Variants in FAM227B observed in about 807,000 individuals in gnomAD.
FAM227B encodes protein FAM227B.
A neutral mutation model predicts 73.8 loss-of-function variants in FAM227B; 88 were observed. The ratio of observed to expected loss-of-function variants is 1.19; its 90% CI spans 1.00 to 1.42. The LOEUF is 1.42. Among genes scored for constraint, FAM227B ranks in the 40% most tolerant of loss-of-function variants. FAM227B has a pLI of 0.00. For missense variants in FAM227B, 632 were observed against 590.9 expected (o/e 1.07, Z -0.72); for synonymous variants, 210 against 190.5 (o/e 1.10, Z -0.84).
rs556077398 is a variant in FAM227B at position 49,330,792 on chromosome 15, T to TA, written c.1419+987dup. 97 of 150,438 alleles carry TA rather than the reference T, an allele frequency of 6.4e-4. 1 individual carries two copies. Among genetic ancestry groups the TA allele is most frequent in the African/African-American group, 2.3e-3 (96 of 40,990 alleles). 9.3% of individuals were successfully genotyped at this position (150,438 alleles called of 1,614,324 possible). ...GAATGAATATTTTTGTGTGTGGATG[T>TA]AAAAAATAGTCCTTAGCTGGGAGTG... is the stretch of plus-strand genomic sequence containing the variant. On this transcript the variant is annotated intron_variant, in intron 15 of 15. Coordinates refer to ENST00000299338, the MANE Select transcript of FAM227B (RefSeq NM_152647.3).
intron 1 of FAM227B, 24 bp from the exon 2 acceptor site, chr15:49,615,267 T>C (rs1359496997): frequency 4.0e-6 from 4 of 1,003,324 alleles, no homozygotes; most frequent in Non-Finnish European, 6.4e-6. Context: ...GACACCCAAA[T>C]GCAAAAATAA....
chr15:49,351,387 C>A (rs1190270094), intron 13 of FAM227B, among the ~76,000 whole-genome samples: 3 of 152,194 alleles, frequency 2.0e-5, no homozygotes, highest in Non-Finnish European at 2.9e-5. Flanking sequence ...AACTCTGGAG[C>A]ATGCAACTCC....
chr15:49,591,030 T>TTG (rs2076509242), intron 3 of FAM227B, among the ~76,000 whole-genome samples: 1 of 86,388 alleles, frequency 1.2e-5, no homozygotes, highest in Non-Finnish European at 2.2e-5. Context: ...CTTTTTTTTG[T>TTG]TTTTTTTTTT....
chr15:49,549,169 C>T (rs1023735050), intron 9 of FAM227B, among the ~76,000 whole-genome samples: 9 of 152,094 alleles, frequency 5.9e-5, no homozygotes, highest in Non-Finnish European at 1.2e-4. Flanking sequence ...GTACTGCTTT[C>T]ACCCTATTCC....
At chr15:49,360,302 T>C (rs2043984732) in intron 13 of FAM227B, among the ~76,000 whole-genome samples, 1 of 152,086 alleles carries the variant, frequency 6.6e-6, no homozygotes, top group Non-Finnish European at 1.5e-5. Context: ...ATAGTAACAT[T>C]GTACTCATTA....
chr15:49,562,406 T>C (rs1287971763), intron 9 of FAM227B, among the ~76,000 whole-genome samples: 1 of 152,054 alleles, frequency 6.6e-6, no homozygotes, highest in African/African-American at 2.4e-5. Flanking sequence ...GATGGATTCA[T>C]AGTAAAATCT....
At chr15:49,340,980 A>G (rs2040637241) in intron 13 of FAM227B, among the ~76,000 whole-genome samples, 1 of 152,200 alleles carries the variant, frequency 6.6e-6, no homozygotes, top group African/African-American at 2.4e-5. Flanking sequence ...TCTTTGGCAT[A>G]TGGCTGGCCA....
At chr15:49,407,995 CAT>C (rs1282014055) in intron 11 of FAM227B, among the ~76,000 whole-genome samples, 1 of 152,094 alleles carries the variant, frequency 6.6e-6, no homozygotes, top group Non-Finnish European at 1.5e-5. Context: ...GATTCATGCA[CAT>C]GTTCTACATA....
chr15:49,397,332 A>G (rs2047757220), intron 11 of FAM227B, among the ~76,000 whole-genome samples: 1 of 151,986 alleles, frequency 6.6e-6, no homozygotes, highest in Non-Finnish European at 1.5e-5. Flanking sequence ...AGCCTCCAAG[A>G]AATATGGGGG....
intron 15 of FAM227B, chr15:49,329,566 C>G: frequency 1.0e-6 from 1 of 983,940 alleles, no homozygotes; most frequent in Non-Finnish European, 1.2e-6. Flanking sequence ...ACATAGAATA[C>G]TAGGAAAGCC....
intron 11 of FAM227B, among the ~76,000 whole-genome samples, chr15:49,416,357 A>G (rs749247654): frequency 2.6e-5 from 4 of 152,106 alleles, no homozygotes; most frequent in African/African-American, 4.8e-5. Context: ...CCCAGGGTTC[A>G]AGCTGATTTA....
intron 11 of FAM227B, among the ~76,000 whole-genome samples, chr15:49,457,206 T>C (rs187311606): frequency 4.6e-5 from 7 of 152,028 alleles, no homozygotes; most frequent in African/African-American, 9.7e-5. Flanking sequence ...ATTGGATTCA[T>C]TGGAATCAGG....
chr15:49,593,084 A>G (rs990683819), intron 3 of FAM227B, among the ~76,000 whole-genome samples: 1 of 152,180 alleles, frequency 6.6e-6, no homozygotes, highest in African/African-American at 2.4e-5. Context: ...TTCCAGGTAC[A>G]GTCTGTCACG....
intron 1 of FAM227B, chr15:49,620,239 AT>A (rs1456256536): frequency 1.3e-5 from 2 of 152,152 alleles, no homozygotes; most frequent in Admixed American, 1.3e-4. Flanking sequence ...AGAATATTGC[AT>A]TTTCTGTACT....
At chr15:49,603,794 C>T (rs1470849725) in intron 3 of FAM227B, among the ~76,000 whole-genome samples, 1 of 152,118 alleles carries the variant, frequency 6.6e-6, no homozygotes, top group Admixed American at 6.5e-5. Context: ...GTGGGTCTGT[C>T]ATATATAGCT....
At chr15:49,466,509 T>A (rs896337527) in intron 11 of FAM227B, among the ~76,000 whole-genome samples, 2 of 151,752 alleles carry the variant, frequency 1.3e-5, no homozygotes, top group South Asian at 2.1e-4. Flanking sequence ...ATAAAAGAGG[T>A]TTTTGTTTGC....
intron 3 of FAM227B, among the ~76,000 whole-genome samples, chr15:49,603,678 T>C (rs1201368936): frequency 1.3e-5 from 2 of 152,156 alleles, no homozygotes; most frequent in African/African-American, 4.8e-5. Flanking sequence ...GGTTGAATAA[T>C]AGCAGTGAAA....
chr15:49,428,646 A>AGAT (rs2050328825), intron 11 of FAM227B, among the ~76,000 whole-genome samples: 1 of 152,004 alleles, frequency 6.6e-6, no homozygotes, highest in South Asian at 2.1e-4. Flanking sequence ...CTTGAGAGAC[A>AGAT]GATGTGGAAG....
chr15:49,452,283 C>A (rs1474302653), intron 11 of FAM227B, among the ~76,000 whole-genome samples: 5 of 152,092 alleles, frequency 3.3e-5, no homozygotes, highest in African/African-American at 1.2e-4. Flanking sequence ...GAACTCCTGA[C>A]CTCAAGTTAT....
Sources: allele counts gnomAD v4.1 joint callset (sites outside exome capture counted in the v4.1 genomes callset), GRCh38; gene constraint gnomAD v4.1.1; transcripts MANE v1.5; gene names NCBI Gene and HGNC (gene_info 2026-07-23, HGNC 2026-07-21).